Variants in XKR6 observed in about 807,000 individuals in gnomAD.
XKR6 encodes XK-related protein 6.
Under a neutral mutation model 56.7 loss-of-function variants are expected in XKR6, and 22 were observed. The observed-to-expected ratio is 0.39, with a 90% CI of 0.28 to 0.55. The LOEUF (loss-of-function observed/expected upper bound fraction) is 0.55, where lower values mean the gene tolerates loss of function less well. Ranked by LOEUF, XKR6 falls within the 20% of genes least tolerant of loss-of-function variation. XKR6 has a pLI of 0.66. For synonymous variants in XKR6, 524 were observed against 387.8 expected, an observed-to-expected ratio of 1.35 and a Z score of -4.13; for missense variants, 852 against 889.0, an observed-to-expected ratio of 0.96 and a Z score of 0.53.
intron 1 of XKR6, among the ~76,000 whole-genome samples, chr8:10,951,670 C>A (rs1294338313): frequency 6.6e-6 from 1 of 152,174 alleles, no homozygotes; most frequent in Non-Finnish European, 1.5e-5. Flanking sequence ...GTCTCATCTT[C>A]CCCTGGGAGT....
chr8:11,042,387 G>A (rs1054585017), intron 1 of XKR6, among the ~76,000 whole-genome samples: 11 of 152,008 alleles, frequency 7.2e-5, no homozygotes, highest in Admixed American at 3.3e-4. Flanking sequence ...CTGAACCGTG[G>A]GGACAGATTT....
chr8:11,157,551 T>C (rs1286306582), intron 1 of XKR6, among the ~76,000 whole-genome samples: 1 of 152,164 alleles, frequency 6.6e-6, no homozygotes, highest in Non-Finnish European at 1.5e-5. Context: ...AGTCTCTCTC[T>C]GTTGCCCAGG....
chr8:10,957,153 G>A (rs947731921), intron 1 of XKR6, among the ~76,000 whole-genome samples: 1 of 152,102 alleles, frequency 6.6e-6, no homozygotes, highest in Non-Finnish European at 1.5e-5. Context: ...GTTTCACCAT[G>A]TGGGCCAGGC....
intron 1 of XKR6, among the ~76,000 whole-genome samples, chr8:11,145,291 C>A (rs1800925931): frequency 6.6e-6 from 1 of 152,102 alleles, no homozygotes; most frequent in African/African-American, 2.4e-5. Flanking sequence ...ACTTCTGGTT[C>A]CAAATGTTTC....
At chr8:10,903,208 G>A (rs542349757) in intron 2 of XKR6, among the ~76,000 whole-genome samples, 1 of 152,338 alleles carries the variant, frequency 6.6e-6, no homozygotes, top group African/African-American at 2.4e-5. Context: ...GGGACCAAAT[G>A]TTCATGGCTC....
chr8:11,024,003 T>C (rs1313926728), intron 1 of XKR6, among the ~76,000 whole-genome samples: 2 of 152,170 alleles, frequency 1.3e-5, no homozygotes, highest in Admixed American at 1.3e-4. Context: ...GATGTATTTC[T>C]TCACATGCGT....
intron 1 of XKR6, among the ~76,000 whole-genome samples, chr8:11,014,300 A>G (rs528857810): frequency 6.6e-6 from 1 of 152,330 alleles, no homozygotes; most frequent in African/African-American, 2.4e-5. Flanking sequence ...CCCCTTCTGG[A>G]AAAACTGTTT....
intron 1 of XKR6, among the ~76,000 whole-genome samples, chr8:10,998,089 G>A (rs1376290364): frequency 6.6e-6 from 1 of 152,120 alleles, no homozygotes; most frequent in African/African-American, 2.4e-5. Context: ...GGGGTCACCA[G>A]CTCACCCCAG....
At chr8:11,168,124 C>A (rs538720154) in intron 1 of XKR6, among the ~76,000 whole-genome samples, 31 of 152,268 alleles carry the variant, frequency 2.0e-4, no homozygotes, top group African/African-American at 7.0e-4. Flanking sequence ...AATTTTCAAA[C>A]ACCCCATTTT....
At chr8:10,999,537 G>T (rs372644816) in intron 1 of XKR6, among the ~76,000 whole-genome samples, 1 of 152,146 alleles carries the variant, frequency 6.6e-6, no homozygotes, top group African/African-American at 2.4e-5. Flanking sequence ...ATAAATCACT[G>T]ATCACCAGAT....
chr8:11,088,606 G>A (rs954169344), intron 1 of XKR6, among the ~76,000 whole-genome samples: 2 of 152,192 alleles, frequency 1.3e-5, no homozygotes, highest in Non-Finnish European at 2.9e-5. Context: ...ACAAGAGGGA[G>A]TGCATGGTAC....
Position 11,190,271 on chromosome 8 carries a change from AAAAG to A in XKR6, c.764+10301_764+10304del, listed in dbSNP as rs758751524. Among the ~76,000 whole-genome samples, 29 of 151,862 alleles carry A rather than the reference AAAAG, an allele frequency of 1.9e-4. 1 individual carries two copies. In the Middle Eastern group the frequency reaches 0.017, roughly 91 times the overall value. On this transcript the variant is annotated intron_variant, in intron 1 of 2. Coordinates refer to ENST00000416569, the MANE Select transcript of XKR6 (RefSeq NM_173683.4). ...AAAAGAAAAGAAAGGAAAGGAAAAG[AAAAG>A]AAAGGAAAATAAAAGAAAAGAAAAG... is the stretch of plus-strand genomic sequence containing the variant.
intron 2 of XKR6, among the ~76,000 whole-genome samples, chr8:10,923,399 G>T (rs1246905247): frequency 6.6e-6 from 1 of 152,198 alleles, no homozygotes. Context: ...GATGGGACAT[G>T]AGGCTTCACC....
chr8:10,928,743 G>A (rs1463274688), intron 1 of XKR6, among the ~76,000 whole-genome samples: 1 of 152,198 alleles, frequency 6.6e-6, no homozygotes, highest in Non-Finnish European at 1.5e-5. Flanking sequence ...ACCAAGGCAG[G>A]AGACTCAGGA....
intron 1 of XKR6, among the ~76,000 whole-genome samples, chr8:11,096,510 G>A (rs1798266848): frequency 1.3e-5 from 2 of 152,192 alleles, no homozygotes; most frequent in Admixed American, 6.5e-5. Flanking sequence ...GCACAACGAA[G>A]GCATTGGTGT....
intron 1 of XKR6, among the ~76,000 whole-genome samples, chr8:11,135,890 T>C (rs1040122194): frequency 1.3e-5 from 2 of 151,802 alleles, no homozygotes; most frequent in African/African-American, 2.4e-5. Flanking sequence ...AAGCAGAAAA[T>C]ATTTCTCCCA....
chr8:10,916,433 T>C (rs995998111), intron 2 of XKR6, among the ~76,000 whole-genome samples: 4 of 152,156 alleles, frequency 2.6e-5, no homozygotes, highest in Admixed American at 1.3e-4. Context: ...TAATGTCCCA[T>C]ATGAACAGGA....
chr8:11,111,996 C>T (rs527436048), intron 1 of XKR6: 2 of 152,272 alleles, frequency 1.3e-5, no homozygotes, highest in African/African-American at 4.8e-5. Flanking sequence ...TAAGTTAATA[C>T]TTTTTATCGT....
intron 1 of XKR6, among the ~76,000 whole-genome samples, chr8:10,963,892 G>C (rs560289371): frequency 6.6e-6 from 1 of 152,290 alleles, no homozygotes; most frequent in East Asian, 1.9e-4. Flanking sequence ...GCATGAACTG[G>C]GGTCAGTCCT....
Sources: allele counts gnomAD v4.1 joint callset (sites outside exome capture counted in the v4.1 genomes callset), GRCh38; gene constraint gnomAD v4.1.1; transcripts MANE v1.5; gene names NCBI Gene and HGNC (gene_info 2026-07-23, HGNC 2026-07-21).